PODNL1: variants seen among roughly 807,000 people sequenced by gnomAD.
PODNL1 encodes podocan-like protein 1.
A neutral mutation model predicts 45.1 loss-of-function variants in PODNL1; 50 were observed. That is an observed-to-expected ratio of 1.11 (90% confidence interval 0.88 to 1.40). The LOEUF (loss-of-function observed/expected upper bound fraction) is 1.40. Ranked by LOEUF, PODNL1 falls within the 40% of genes most tolerant of loss-of-function variation. The probability of loss-of-function intolerance (pLI) is 0.00; values close to 1 mark genes in which losing one functional copy is unlikely to be tolerated. For synonymous variants in PODNL1, 406 were observed against 372.5 expected, an observed-to-expected ratio of 1.09 and a Z score of -1.04; for missense variants, 788 against 793.3, an observed-to-expected ratio of 0.99 and a Z score of 0.08.
rs948851422 is a variant in PODNL1, at chr19:13,947,570, GA to G, written c.18+5548del. On this transcript the variant is annotated intron_variant, in intron 1 of 7. Coordinates refer to the PODNL1 transcript ENST00000538371. ...AGAATTGGGGAATTACTTGATTTGG[GA>G]GAAGCTGCCCCATCATCTGGTGTCA... 7.9e-5 allele frequency among the ~76,000 whole-genome samples: 12 copies of G among 152,086 alleles called. 1 individual carries two copies. In the South Asian group the frequency reaches 8.3e-4, roughly 11 times the overall value.
chr19:13,946,943 C>G (rs1035420111), intron 1 of PODNL1, among the ~76,000 whole-genome samples: 1 of 146,832 alleles, frequency 6.8e-6, no homozygotes, highest in Non-Finnish European at 1.5e-5. Flanking sequence ...CCCAGCTACT[C>G]GGGAGGCTGA....
intron 6 of PODNL1, 109 bp from the exon 7 acceptor site, chr19:13,934,102 C>T (rs1599427871): frequency 4.3e-6 from 6 of 1,383,900 alleles, no homozygotes; most frequent in South Asian, 2.6e-5. Flanking sequence ...GAGCTCAAAG[C>T]GATTTCCAAT....
rs538953335 is a variant in PODNL1, at chr19:13,946,984, G to A, written c.18+6135C>T. Among the ~76,000 whole-genome samples, 29 of 147,772 alleles carry A rather than the reference G, an allele frequency of 2.0e-4. No homozygotes were observed. In the South Asian group the frequency reaches 5.8e-3, roughly 29 times the overall value. Reference sequence around the variant, plus strand: ...GAGAATTGCGTGAGGCTGGGAGGTCGAGGCTACAGTGAGCTATGATCACAC... The same window carrying A: ...GAGAATTGCGTGAGGCTGGGAGGTCAAGGCTACAGTGAGCTATGATCACAC... On this transcript the variant is annotated intron_variant, in intron 1 of 7. Transcript: ENST00000538371.
chr19:13,952,482 G>A, intron 1 of PODNL1: 1 of 1,248,298 alleles, frequency 8.0e-7, no homozygotes, highest in South Asian at 3.9e-5. Context: ...GAAGGGGCCG[G>A]TTGCTCCGGA....
intron 3 of PODNL1, 89 bp from the exon 4 acceptor site, chr19:13,936,133 C>G (rs1428765306): frequency 1.0e-5 from 13 of 1,241,150 alleles, no homozygotes; most frequent in Non-Finnish European, 1.5e-5. Context: ...GGACTCTCGG[C>G]CGGGGAACTG....
intron 2 of PODNL1, among the ~76,000 whole-genome samples, 156 bp downstream of exon 2, chr19:13,937,629 G>T (rs182191658): frequency 6.6e-6 from 1 of 152,052 alleles, no homozygotes; most frequent in Non-Finnish European, 1.5e-5. Context: ...GAGCCAATCT[G>T]CCAAGGCAAA....
At chr19:13,952,554 G>GAGC in intron 1 of PODNL1, 2 of 1,266,066 alleles carry the variant, frequency 1.6e-6, no homozygotes, top group Middle Eastern at 3.0e-4. Flanking sequence ...GCGGGGCTGG[G>GAGC]AGCGGCGGCG....
At chr19:13,948,233 C>T (rs1972885829) in intron 1 of PODNL1, among the ~76,000 whole-genome samples, 1 of 149,068 alleles carries the variant, frequency 6.7e-6, no homozygotes, top group African/African-American at 2.5e-5. Flanking sequence ...GAGTCTTGAT[C>T]AGTCGCCCAG....
rs1248791053 is a variant in PODNL1, at chr19:13,931,272, TG to T, written c.*464del. On this transcript the variant is annotated 3_prime_UTR_variant, in exon 10 of 10. Coordinates refer to ENST00000588872, the MANE Select transcript of PODNL1 (RefSeq NM_001370095.3). ...TATCTGTCACCCAGTGTTTTTTCAG[TG>T]GGTGGCCTTGGGCGTCCCTGCAATC... The T allele has an allele frequency of 5.7e-5, 9 of 157,026 alleles. No individual in the cohort carries two copies. Among genetic ancestry groups the T allele is most frequent in the Non-Finnish European group, 1.3e-4 (9 of 71,538 alleles). 9.7% of individuals were successfully genotyped at this position (157,026 alleles called of 1,614,324 possible). A position where few individuals can be genotyped will look rare whatever the true frequency, so the allele number is the denominator to read the frequency against.
rs1028004554 is a variant in PODNL1, at chr19:13,952,485, G to A, written c.18+634C>T. On this transcript the variant is annotated intron_variant, in intron 1 of 7. Coordinates refer to the PODNL1 transcript ENST00000538371. ...CAGGGGTGGGGCGAAGGGGCCGGTTGCTCCGGAAGTGGAGGGAGGGGGTGA... is the reference window on the plus strand; with the variant it reads ...CAGGGGTGGGGCGAAGGGGCCGGTTACTCCGGAAGTGGAGGGAGGGGGTGA... The A allele has an allele frequency of 7.2e-6, 9 of 1,248,192 alleles. No homozygotes were observed. In the African/African-American group the frequency reaches 1.4e-4, roughly 19 times the overall value. The allele number at this position is 1,248,192 out of a possible 1,614,324, so 77.3% of individuals were successfully genotyped here. A position where few individuals can be genotyped will look rare whatever the true frequency, so the allele number is the denominator to read the frequency against.
At position 13,938,333 on chromosome 19, in the gene PODNL1, G is replaced by A; in HGVS notation, c.-152C>T. On this transcript the variant is annotated 5_prime_UTR_variant, in exon 1 of 10. Coordinates refer to ENST00000588872, the MANE Select transcript of PODNL1 (RefSeq NM_001370095.3). ...CCCCACAACAGCCTGTTCTCCCGGG[G>A]CTTTGGGGGAGCTGGCCCACCCCCT... 7.0e-7 allele frequency: 1 copy of A among 1,427,262 alleles called. No individual in the cohort carries two copies. The highest frequency in any genetic ancestry group is 9.2e-7 in the Non-Finnish European group (1 of 1,088,276). The allele number at this position is 1,427,262 out of a possible 1,614,324, so 88.4% of individuals were successfully genotyped here.
exon 1 of PODNL1, chr19:13,953,259 C>G (rs1482208169): frequency 1.3e-5 from 13 of 965,360 alleles, no homozygotes; most frequent in Non-Finnish European, 1.6e-5. Context: ...ATGTCTCTCT[C>G]CCCCATCAGT....
intron 1 of PODNL1, among the ~76,000 whole-genome samples, chr19:13,948,460 C>A (rs1377828604): frequency 6.7e-6 from 1 of 150,148 alleles, no homozygotes; most frequent in Non-Finnish European, 1.5e-5. Flanking sequence ...GATCCACCTG[C>A]CTCAGCCTCC....
upstream of PODNL1, among the ~76,000 whole-genome samples, chr19:13,942,326 A>G (rs564613114): frequency 8.5e-4 from 130 of 152,276 alleles, no homozygotes; most frequent in African/African-American, 3.0e-3. Context: ...GTGCTAAGAC[A>G]TTCCCAGAAC....
rs762680199 is a variant in PODNL1, at chr19:13,953,044, G to A, written c.18+75C>T. ...CCCCTTTGCAGAGCCCCTGCCGCTG[G>A]CTTTGGGCTTCCTCCGCCTGATGTT... On this transcript the variant is annotated intron_variant, in intron 1 of 7. Transcript: ENST00000538371. The A allele has an allele frequency of 7.3e-6, 11 of 1,505,610 alleles. 1 individual carries two copies. Among genetic ancestry groups the A allele is most frequent in the Admixed American group, 5.9e-5 (3 of 50,882 alleles). The allele number at this position is 1,505,610 out of a possible 1,614,324, so 93.3% of individuals were successfully genotyped here.
chr19:13,933,202 C>T lies in PODNL1; in HGVS notation c.1021G>A (p.Gly341Arg). The T allele has an allele frequency of 6.5e-7, 1 of 1,537,184 alleles. No homozygotes were observed. Reference protein sequence around the residue: ...GLHTLHLYGNGLDRVPPALPR... With the variant: ...GLHTLHLYGNRLDRVPPALPR... ...AGGGCTGGAGGCACGCGGTCCAGCC[C>T]ATTGCCATAGAGGTGCAGCGTGTGC... Residue 341 changes from glycine (G) to arginine (R), a missense_variant, in exon 8 of 10, where the codon GGG (glycine) becomes AGG (arginine). This residue lies in a region of PODNL1 where 762 missense variants were observed against 750.9 expected (regional missense o/e 1.01). Coordinates refer to ENST00000588872, the MANE Select transcript of PODNL1 (RefSeq NM_001370095.3). The surrounding 1 kb of genome is among the most constrained non-coding windows in gnomAD (Gnocchi z 5.2).
intron 6 of PODNL1, 50 bp downstream of exon 6, chr19:13,934,204 G>C: frequency 6.8e-7 from 1 of 1,480,890 alleles, no homozygotes; most frequent in Non-Finnish European, 9.0e-7. Flanking sequence ...GGTCCCCCTG[G>C]AAAGAGGTGA....
chr19:13,937,906 A>G lies in PODNL1; in HGVS notation c.104T>C (p.Leu35Pro). 6.4e-7 allele frequency: 1 copy of G among 1,563,828 alleles called. No individual in the cohort carries two copies. The highest frequency in any genetic ancestry group is 8.7e-7 in the Non-Finnish European group (1 of 1,154,550). The change falls in exon 2 of 10, where the codon CTG becomes CCG. Residue 35 changes from leucine (L) to proline (P), a missense_variant. Around this residue, in one of 3 missense-constraint regions of PODNL1, gnomAD observed 762 missense variants for 750.9 expected, o/e 1.01. Coordinates refer to ENST00000588872, the MANE Select transcript of PODNL1 (RefSeq NM_001370095.3). ...FPHLGESLQP[L>P]PRACPLRCSC... ...GCAGCGCAGGGGACAGGCCCGGGGCAGGGGCTGCAAGCTCTCCCCCAGGTG... is the reference window on the plus strand; with the variant it reads ...GCAGCGCAGGGGACAGGCCCGGGGCGGGGGCTGCAAGCTCTCCCCCAGGTG...
chr19:13,934,163 T>C lies in PODNL1; in HGVS notation c.651+91A>G, dbSNP rs1972158238. On this transcript the variant is annotated intron_variant, in intron 6 of 9. Transcript: ENST00000588872. ...TGACCACTGGCATTCTGAGGGGCAA[T>C]TGAGAAGAATGGAAAGCTAGGAACT... is the stretch of plus-strand genomic sequence containing the variant. The C allele has an allele frequency of 8.5e-6, 12 of 1,411,498 alleles. No homozygotes were observed. The Admixed American group carries it at 1.2e-4, about 15-fold the overall frequency. 87.4% of individuals were successfully genotyped at this position (1,411,498 alleles called of 1,614,324 possible). A position where few individuals can be genotyped will look rare whatever the true frequency, so the allele number is the denominator to read the frequency against.
Sources: gnomAD v4.1 joint callset for allele counts (sites outside exome capture counted in the v4.1 genomes callset) on GRCh38, gnomAD v4.1.1 for gene constraint, gnomAD v4.1.1 regional missense constraint, Gnocchi (gnomAD v3.1) non-coding constraint, MANE v1.5 for transcripts, NCBI Gene and HGNC (gene_info 2026-07-23, HGNC 2026-07-21) for gene names.